Variants in UHRF1 observed in about 807,000 individuals in gnomAD.
The protein encoded by UHRF1 is ubiquitin like with PHD and ring finger domains 1.
UHRF1 carries 9 observed loss-of-function variants against 96.5 expected under a neutral mutation model. The ratio of observed to expected loss-of-function variants is 0.09; its 90% confidence interval spans 0.06 to 0.16. The LOEUF (loss-of-function observed/expected upper bound fraction) is 0.16, where lower values mean the gene tolerates loss of function less well. Ranked by LOEUF, UHRF1 falls within the 10% of genes least tolerant of loss-of-function variation. UHRF1 has a pLI of 1.00. For synonymous variants in UHRF1, 455 were observed against 469.9 expected (o/e 0.97, Z 0.41); for missense variants, 626 against 1,131.1 (o/e 0.55, Z 6.40).
At position 4,942,615 on chromosome 19, in the gene UHRF1, A is replaced by C. The variant is rs564433285; in HGVS notation, c.1073+684A>C. Among the ~76,000 whole-genome samples, 30 of 151,768 alleles carry C rather than the reference A, an allele frequency of 2.0e-4. No individual in the cohort carries two copies. In the South Asian group the frequency reaches 4.2e-3, roughly 21 times the overall value. ...AGGTGCCTGCCACCACATCCGGCTA[A>C]TTTTTGTATTTTTAGTAGAGACGGG... is the stretch of plus-strand genomic sequence containing the variant. On this transcript the variant is annotated intron_variant, in intron 7 of 16. Transcript: ENST00000650932.
At chr19:4,929,829 C>T (rs2032993190) in intron 3 of UHRF1, among the ~76,000 whole-genome samples, 1 of 151,372 alleles carries the variant, frequency 6.6e-6, no homozygotes, top group Non-Finnish European at 1.5e-5. Context: ...TTGGCAGGGT[C>T]TCACTTTGTT....
At position 4,938,550 on chromosome 19, in the gene UHRF1, C is replaced by A. The variant is rs185495189; in HGVS notation, c.786-2978C>A. 5.5e-3 allele frequency among the ~76,000 whole-genome samples: 837 copies of A among 151,490 alleles called. 12 individuals carry two copies. The highest frequency in any genetic ancestry group is 0.018 in the African/African-American group (760 of 41,286). On this transcript the variant is annotated intron_variant, in intron 5 of 16. Coordinates refer to ENST00000650932, the MANE Select transcript of UHRF1 (RefSeq NM_001048201.3). The stretch of plus-strand genomic sequence containing the variant: ...TTTTGTTTGTTTGTTTGTTTTGAGA[C>A]AAGGTCTCACTCTGTCACCCATGCT...
intron 15 of UHRF1, among the ~76,000 whole-genome samples, chr19:4,956,394 T>C (rs752742228): frequency 2.0e-5 from 3 of 152,214 alleles, no homozygotes; most frequent in Non-Finnish European, 2.9e-5. Context: ...CTGTCTTGAC[T>C]CAGTGCAGGG....
At chr19:4,903,167 C>T (rs923857401) in exon 1 of UHRF1, 61 of 289,330 alleles carry the variant, frequency 2.1e-4, no homozygotes, top group African/African-American at 1.1e-3. Context: ...GCTGGGACCA[C>T]GGGTGCATGC....
chr19:4,917,558 G>T (rs1414831902), intron 2 of UHRF1, among the ~76,000 whole-genome samples: 1 of 148,742 alleles, frequency 6.7e-6, no homozygotes, highest in South Asian at 2.1e-4. Flanking sequence ...GGAGGCTGAC[G>T]CAGGAGAATT....
chr19:4,908,571 C>T (rs1412005856), upstream of UHRF1, among the ~76,000 whole-genome samples: 1 of 152,074 alleles, frequency 6.6e-6, no homozygotes, highest in African/African-American at 2.4e-5. Context: ...CTCCTAGACC[C>T]ATCTGTCCTT....
upstream of UHRF1, among the ~76,000 whole-genome samples, chr19:4,907,900 C>T (rs928503488): frequency 3.3e-5 from 5 of 151,360 alleles, no homozygotes; most frequent in South Asian, 2.1e-4. Context: ...TTAGTAGAAA[C>T]GGGGTTTCTC....
At position 4,958,941 on chromosome 19, in the gene UHRF1, G is replaced by A. The variant is rs938901963; in HGVS notation, c.2236-1716G>A. ...CGCGCCATTGTACTCCAGCCTGGGCGTCAGAGCAAGATTCTGTCTCAAAAA... is the reference window on the plus strand; with the variant it reads ...CGCGCCATTGTACTCCAGCCTGGGCATCAGAGCAAGATTCTGTCTCAAAAA... On this transcript the variant is annotated intron_variant, in intron 16 of 16. Coordinates refer to ENST00000650932, the MANE Select transcript of UHRF1 (RefSeq NM_001048201.3). Among the ~76,000 whole-genome samples the A allele has an allele frequency of 1.2e-4, 17 of 147,586 alleles. No homozygotes were observed. In the East Asian group the frequency reaches 1.4e-3, roughly 12 times the overall value.
At chr19:4,950,536 T>C in intron 11 of UHRF1, 75 bp from the exon 12 acceptor site, 1 of 1,512,160 alleles carries the variant, frequency 6.6e-7, no homozygotes, top group Non-Finnish European at 8.9e-7. Context: ...GAGCCACCAC[T>C]CCCGGCTCCT....
upstream of UHRF1, among the ~76,000 whole-genome samples, chr19:4,904,918 G>C (rs1430764105): frequency 6.6e-6 from 1 of 152,086 alleles, no homozygotes; most frequent in African/African-American, 2.4e-5. Flanking sequence ...CATAGGAGGG[G>C]CTAGGAAGTA....
At chr19:4,937,509 G>A (rs1161272501) in intron 5 of UHRF1, among the ~76,000 whole-genome samples, 2 of 151,896 alleles carry the variant, frequency 1.3e-5, no homozygotes, top group African/African-American at 2.4e-5. Flanking sequence ...TTACAGGTGC[G>A]TATGCCAGCA....
intron 11 of UHRF1, among the ~76,000 whole-genome samples, chr19:4,947,835 C>T (rs187802): frequency 6.2e-4 from 95 of 152,064 alleles, no homozygotes; most frequent in African/African-American, 2.0e-3. Context: ...TGGTGGCTCA[C>T]GCCTGTAATT....
At chr19:4,916,088 G>A (rs887080781) in intron 2 of UHRF1, among the ~76,000 whole-genome samples, 2 of 152,002 alleles carry the variant, frequency 1.3e-5, no homozygotes, top group African/African-American at 2.4e-5. Context: ...GGCGAGGATC[G>A]CTTGAGGTTG....
upstream of UHRF1, among the ~76,000 whole-genome samples, chr19:4,907,866 C>A (rs1420083794): frequency 1.3e-5 from 2 of 152,104 alleles, no homozygotes; most frequent in South Asian, 2.1e-4. Context: ...ACATGTGCCA[C>A]CACGCCAGGC....
At chr19:4,928,253 A>G (rs1454548429) in intron 2 of UHRF1, among the ~76,000 whole-genome samples, 1 of 151,320 alleles carries the variant, frequency 6.6e-6, no homozygotes, top group Non-Finnish European at 1.5e-5. Flanking sequence ...ATGGTCCAGG[A>G]CCTGGCCCCA....
At chr19:4,939,381 C>CT (rs11401601) in intron 5 of UHRF1, among the ~76,000 whole-genome samples, 62,967 of 150,278 alleles carry the variant, frequency 0.42, 13,813 homozygotes, top group African/African-American at 0.53. Flanking sequence ...GTTTTTCTTT[C>CT]TTTTTTTTTG....
chr19:4,936,969 G>T (rs1157160437), intron 5 of UHRF1, among the ~76,000 whole-genome samples: 1 of 151,824 alleles, frequency 6.6e-6, no homozygotes, highest in Non-Finnish European at 1.5e-5. Flanking sequence ...AATCCTTCTC[G>T]TTACCCCTTT....
chr19:4,908,081 T>G (rs4807664), upstream of UHRF1, among the ~76,000 whole-genome samples: 28,244 of 152,116 alleles, frequency 0.19, 3,270 homozygotes, highest in African/African-American at 0.31. Flanking sequence ...TTGTATCCCT[T>G]TTTCACTTAT....
At chr19:4,940,955 G>A (rs2033375620) in intron 5 of UHRF1, among the ~76,000 whole-genome samples, 1 of 151,906 alleles carries the variant, frequency 6.6e-6, no homozygotes, top group Non-Finnish European at 1.5e-5. Context: ...TTACAGGTCT[G>A]AGCTACCATG....
Sources: allele counts gnomAD v4.1 joint callset (sites outside exome capture counted in the v4.1 genomes callset), GRCh38; gene constraint gnomAD v4.1.1; transcripts MANE v1.5; gene names NCBI Gene and HGNC (gene_info 2026-07-23, HGNC 2026-07-21).